DOCK9: variants seen among roughly 807,000 people sequenced by gnomAD.
DOCK9 encodes the protein dedicator of cytokinesis protein 9.
DOCK9 carries 89 observed loss-of-function variants against 263.3 expected under a neutral mutation model. The ratio of observed to expected loss-of-function variants is 0.34; its 90% CI spans 0.28 to 0.40. The LOEUF is 0.40. Among genes scored for constraint, DOCK9 ranks in the 10% least tolerant of loss-of-function variants. DOCK9 has a pLI of 1.00. For missense variants in DOCK9, 2,140 were observed against 2,603.4 expected, an observed-to-expected ratio of 0.82 and a Z score of 3.87; for synonymous variants, 976 against 973.1, an observed-to-expected ratio of 1.00 and a Z score of -0.06.
At chr13:98,863,897 G>C (rs2093946780) in intron 30 of DOCK9, among the ~76,000 whole-genome samples, 1 of 152,120 alleles carries the variant, frequency 6.6e-6, no homozygotes. Flanking sequence ...GTTTGTTATT[G>C]ACAAAGTTAA....
At position 98,880,661 on chromosome 13, in the gene DOCK9, C is replaced by A; in HGVS notation, c.2757G>T (p.Lys919Asn). Residue 919 changes from lysine (K) to asparagine (N), a missense_variant, in exon 26 of 53, where the codon AAG becomes AAT. Lys to Asn is a moderately conservative substitution (Grantham distance 94). Transcript: ENST00000682017. ...ATTCAGAGGCAACATATGGCTCAGCCTTATACGCGTACTTTGAAGAAAAGA... is the reference window on the plus strand; with the variant it reads ...ATTCAGAGGCAACATATGGCTCAGCATTATACGCGTACTTTGAAGAAAAGA... Reference protein sequence around the residue: ...HLRSYVKYAYKAEPYVASEYK... With the variant: ...HLRSYVKYAYNAEPYVASEYK... 1 of 1,613,620 alleles carries A rather than the reference C, an allele frequency of 6.2e-7. No homozygotes were observed. Among genetic ancestry groups the A allele is most frequent in the Non-Finnish European group, 8.5e-7 (1 of 1,179,746 alleles).
intron 45 of DOCK9, among the ~76,000 whole-genome samples, chr13:98,812,894 G>A (rs1054213740): frequency 6.6e-6 from 1 of 152,096 alleles, no homozygotes; most frequent in Admixed American, 6.5e-5. Context: ...TATCTAAATA[G>A]GAAATAAATG....
chr13:99,019,537 G>A (rs1455424181), intron 1 of DOCK9, among the ~76,000 whole-genome samples: 2 of 151,964 alleles, frequency 1.3e-5, no homozygotes, highest in African/African-American at 4.8e-5. Flanking sequence ...ACCCTTCAAT[G>A]GGAACCCTCA....
At chr13:98,921,284 G>T (rs2051942703) in intron 6 of DOCK9, among the ~76,000 whole-genome samples, 196 bp from the exon 7 acceptor site, 1 of 152,154 alleles carries the variant, frequency 6.6e-6, no homozygotes, top group Non-Finnish European at 1.5e-5. Context: ...TGAGGAGGTG[G>T]TTCCCCTAAT....
chr13:99,008,232 A>ATT (rs1403824024), intron 1 of DOCK9, among the ~76,000 whole-genome samples: 215 of 103,378 alleles, frequency 2.1e-3, no homozygotes, highest in African/African-American at 3.2e-3. Flanking sequence ...ATATATATAT[A>ATT]TATTTTTTTT....
In DOCK9 at chr13:98,809,419, A is replaced by C; in HGVS notation, c.5300T>G (p.Val1767Gly). 6.2e-7 allele frequency: 1 copy of C among 1,613,384 alleles called. No individual in the cohort carries two copies. The highest frequency in any genetic ancestry group is 8.5e-7 in the Non-Finnish European group (1 of 1,179,708). ...YDTLHRAYSK[V>G]TEVMHSGRRL... ...GCGGCCCGAGTGCATGACCTCGGTC[A>C]CTTTGCTGTAGGCCCGGTGCAGCGT... is the stretch of plus-strand genomic sequence containing the variant. The change falls in exon 47 of 53, where the codon GTG (valine) becomes GGG (glycine). Residue 1767 changes from valine (V) to glycine (G), a missense_variant. By Grantham distance (109) the Val-to-Gly change is moderately radical (BLOSUM62 -3). Around this residue, in one of 2 missense-constraint regions of DOCK9, gnomAD observed 619 missense variants for 861.8 expected, o/e 0.72. Transcript: ENST00000682017.
intron 25 of DOCK9, among the ~76,000 whole-genome samples, chr13:98,880,910 A>C (rs2044645369): frequency 6.6e-6 from 1 of 151,822 alleles, no homozygotes; most frequent in Non-Finnish European, 1.5e-5. Context: ...CCAGCCCGTA[A>C]CTCCACCTGT....
intron 2 of DOCK9, among the ~76,000 whole-genome samples, chr13:98,954,313 T>C (rs2057778075): frequency 6.7e-6 from 1 of 150,276 alleles, no homozygotes; most frequent in Non-Finnish European, 1.5e-5. Context: ...GGTAGAGAAG[T>C]GTCCAACTAA....
chr13:99,005,011 T>C (rs1336457105), intron 1 of DOCK9, among the ~76,000 whole-genome samples: 1 of 152,094 alleles, frequency 6.6e-6, no homozygotes, highest in African/African-American at 2.4e-5. Context: ...TTGGAAACTC[T>C]GCTAGCACCT....
intron 9 of DOCK9, among the ~76,000 whole-genome samples, chr13:98,906,184 G>A (rs996643903): frequency 1.2e-4 from 18 of 152,150 alleles, no homozygotes; most frequent in African/African-American, 2.7e-4. Flanking sequence ...AAACTTAAGC[G>A]CAAGGCTGAG....
chr13:98,969,884 T>G (rs1210318953), intron 1 of DOCK9, among the ~76,000 whole-genome samples: 2 of 152,324 alleles, frequency 1.3e-5, no homozygotes, highest in South Asian at 2.1e-4. Flanking sequence ...GCAGGCAAAT[T>G]CAGGGTCAGC....
rs146549171 is a variant in DOCK9 at position 98,818,708 on chromosome 13, G to A, written c.5130+5690C>T. On this transcript the variant is annotated intron_variant, in intron 45 of 52. Transcript: ENST00000682017. ...AGCCTAGACTTAAAAGGAACTCAGT[G>A]CAGCAAGTTCATAAGCCATCAAGGA... Among the ~76,000 whole-genome samples, 439 of 152,062 alleles carry A rather than the reference G, an allele frequency of 2.9e-3. 4 individuals carry two copies. Among genetic ancestry groups the A allele is most frequent in the African/African-American group, 9.7e-3 (404 of 41,472 alleles).
Position 98,805,107 on chromosome 13 carries a change from C to G in DOCK9, c.5617G>C (p.Glu1873Gln), listed in dbSNP as rs2090545899. ...KELQERKTEFERSHNIRRFMF... is the reference protein window; with the variant it reads ...KELQERKTEFQRSHNIRRFMF... ...AAGCGGCGGATGTTGTGGGATCTCT[C>G]AAACTCTGTTTTCCTTTCTTGCAAC... The change falls in exon 49 of 53, where the codon GAG becomes CAG. Residue 1873 changes from glutamate to glutamine, a missense_variant. Around this residue, in one of 2 missense-constraint regions of DOCK9, gnomAD observed 619 missense variants for 861.8 expected, o/e 0.72. Transcript: ENST00000682017. 2.5e-6 allele frequency: 4 copies of G among 1,611,288 alleles called. No homozygotes were observed. In the East Asian group the frequency reaches 8.9e-5, roughly 36 times the overall value.
chr13:98,841,094 G>C (rs905904692), intron 38 of DOCK9, among the ~76,000 whole-genome samples: 1 of 152,204 alleles, frequency 6.6e-6, no homozygotes, highest in Non-Finnish European at 1.5e-5. Context: ...GACTGGCAAA[G>C]AGTAGAGAAT....
chr13:98,860,097 C>G, intron 33 of DOCK9: 1 of 998,692 alleles, frequency 1.0e-6, no homozygotes, highest in Non-Finnish European at 1.3e-6. Context: ...AAAAATATCC[C>G]TTAACAGTAT....
chr13:98,962,563 G>C (rs2058749606), intron 1 of DOCK9, among the ~76,000 whole-genome samples: 1 of 151,586 alleles, frequency 6.6e-6, no homozygotes, highest in Non-Finnish European at 1.5e-5. Context: ...GGCAAAGCCT[G>C]GCAAACTGTA....
chr13:99,084,827 C>T (rs1328229203), intron 1 of DOCK9, among the ~76,000 whole-genome samples: 5 of 152,224 alleles, frequency 3.3e-5, no homozygotes, highest in African/African-American at 9.6e-5. Flanking sequence ...AAGTTGCAGG[C>T]TTTATCCTTA....
rs367702388 is a variant in DOCK9 at position 98,925,887 on chromosome 13, A to G, written c.366T>C (p.Leu122=). The part of the protein sequence containing the change: ...CIKTYNSDWH[L]VNYKYEDYSG... Reference sequence around the variant, plus strand: ...AGTAATCTTCATATTTATAGTTCACAAGATGCCAGTCAGAGTTATAGGTTT... The same window carrying G: ...AGTAATCTTCATATTTATAGTTCACGAGATGCCAGTCAGAGTTATAGGTTT... The change falls in exon 4 of 53, where the codon CTT becomes CTC. Residue 122 remains leucine, a synonymous_variant. Coordinates refer to ENST00000682017, the MANE Select transcript of DOCK9 (RefSeq NM_001366683.2). 295 of 1,588,072 alleles carry G rather than the reference A, an allele frequency of 1.9e-4. 1 individual carries two copies. In the African/African-American group the frequency reaches 3.7e-3, roughly 20 times the overall value.
intron 1 of DOCK9, among the ~76,000 whole-genome samples, chr13:99,019,571 A>G (rs1344867381): frequency 6.6e-6 from 1 of 152,066 alleles, no homozygotes; most frequent in East Asian, 1.9e-4. Context: ...CCCAATAATC[A>G]TCACCAAAAA....
Sources: gnomAD v4.1 joint callset for allele counts (sites outside exome capture counted in the v4.1 genomes callset) on GRCh38, gnomAD v4.1.1 for gene constraint, gnomAD v4.1.1 regional missense constraint, MANE v1.5 for transcripts, NCBI Gene and HGNC (gene_info 2026-07-23, HGNC 2026-07-21) for gene names.